SH3BGRL2: variants seen among roughly 807,000 people sequenced by gnomAD.
SH3BGRL2 encodes the protein SH3 domain-binding glutamic acid-rich-like protein 2.
SH3BGRL2 carries 21 observed loss-of-function variants against 14.8 expected under a neutral mutation model. The ratio of observed to expected loss-of-function variants is 1.42; its 90% CI spans 1.01 to 2.05. The LOEUF is 2.05. Among genes scored for constraint, SH3BGRL2 ranks in the 30% most tolerant of loss-of-function variants. SH3BGRL2 has a pLI of 0.00. For missense variants in SH3BGRL2, 147 were observed against 130.8 expected (o/e 1.12, Z -0.61); for synonymous variants, 50 against 47.8 (o/e 1.05, Z -0.19).
At chr6:79,555,416 C>T in the SH3BGRL2 span, among the ~76,000 whole-genome samples, 8 of 152,212 alleles carry the variant, frequency 5.3e-5, no homozygotes, top group Middle Eastern at 3.4e-3. Flanking sequence ...TTGTACTGCA[C>T]TCCAGCCTAG....
At chr6:79,589,128 A>C in the SH3BGRL2 span, among the ~76,000 whole-genome samples, 1 of 151,502 alleles carries the variant, frequency 6.6e-6, no homozygotes, top group East Asian at 1.9e-4. Context: ...GTTTTACTCT[A>C]TTGTTTAGGG....
intron 1 of SH3BGRL2, among the ~76,000 whole-genome samples, chr6:79,670,007 T>C (rs768250510): frequency 7.9e-5 from 12 of 152,216 alleles, no homozygotes; most frequent in Non-Finnish European, 1.3e-4. Context: ...ATTTTAGGCA[T>C]TGGGGGATCA....
the SH3BGRL2 span, among the ~76,000 whole-genome samples, chr6:79,538,025 T>G: frequency 7.1e-4 from 53 of 74,128 alleles, no homozygotes; most frequent in Non-Finnish European, 1.1e-3. Flanking sequence ...CAAGTTTTTT[T>G]TTTTTTTTTT....
At chr6:79,648,255 C>CGCATATATAT (rs749278658) in intron 1 of SH3BGRL2, among the ~76,000 whole-genome samples, 4 of 62,456 alleles carry the variant, frequency 6.4e-5, no homozygotes, top group African/African-American at 1.3e-4. Flanking sequence ...ATTCTTTTGG[C>CGCATATATAT]ATATATATAT....
chr6:79,656,073 T>C (rs1275882311), intron 1 of SH3BGRL2, among the ~76,000 whole-genome samples: 1 of 152,236 alleles, frequency 6.6e-6, no homozygotes, highest in African/African-American at 2.4e-5. Flanking sequence ...AGGCATGAAA[T>C]CATCTAATTT....
chr6:79,564,525 AT>A, the SH3BGRL2 span, among the ~76,000 whole-genome samples: 2 of 152,198 alleles, frequency 1.3e-5, no homozygotes, highest in Non-Finnish European at 2.9e-5. Context: ...TAAAGCTAGG[AT>A]TTGATCCTGA....
chr6:79,681,486 G>T (rs968435158), intron 2 of SH3BGRL2, among the ~76,000 whole-genome samples: 4 of 152,104 alleles, frequency 2.6e-5, no homozygotes, highest in Admixed American at 2.6e-4. Flanking sequence ...CCTGAAAGTA[G>T]GCTAGAGACT....
intron 1 of SH3BGRL2, among the ~76,000 whole-genome samples, chr6:79,634,211 C>G (rs1768880686): frequency 6.6e-6 from 1 of 152,210 alleles, no homozygotes; most frequent in East Asian, 1.9e-4. Flanking sequence ...CCCCTAAGCT[C>G]TCCAGCTTCA....
intron 2 of SH3BGRL2, among the ~76,000 whole-genome samples, chr6:79,683,146 A>G (rs905844852): frequency 1.3e-5 from 2 of 152,192 alleles, no homozygotes; most frequent in African/African-American, 2.4e-5. Context: ...ATGTATACCT[A>G]TGTATCAAAC....
At chr6:79,569,961 C>T in the SH3BGRL2 span, among the ~76,000 whole-genome samples, 524 of 152,046 alleles carry the variant, frequency 3.4e-3, 6 homozygotes, top group African/African-American at 0.012. Flanking sequence ...AATGGGAACA[C>T]GCAGAAAGGA....
At chr6:79,595,312 G>C in the SH3BGRL2 span, among the ~76,000 whole-genome samples, 2 of 152,044 alleles carry the variant, frequency 1.3e-5, no homozygotes, top group Non-Finnish European at 1.5e-5. Context: ...GGAATCTGCT[G>C]TTCATCGGGA....
At chr6:79,676,085 GT>G (rs1769877100) in intron 2 of SH3BGRL2, among the ~76,000 whole-genome samples, 1 of 152,060 alleles carries the variant, frequency 6.6e-6, no homozygotes, top group Admixed American at 6.6e-5. Flanking sequence ...TCAGATGGTG[GT>G]TTAATTTTTC....
chr6:79,673,826 G>C (rs753878998), intron 2 of SH3BGRL2, 27 bp downstream of exon 2: 8 of 1,600,142 alleles, frequency 5.0e-6, no homozygotes, highest in Non-Finnish European at 6.8e-6. Context: ...TTATCATGCT[G>C]TTTCTTTTTA....
intron 1 of SH3BGRL2, 81 bp downstream of exon 1, chr6:79,631,587 C>T: frequency 8.6e-7 from 1 of 1,159,900 alleles, no homozygotes; most frequent in South Asian, 3.1e-5. Flanking sequence ...CGTCACTGCG[C>T]GTCCTTGCGC....
At chr6:79,562,170 TAG>T in the SH3BGRL2 span, among the ~76,000 whole-genome samples, 1 of 152,150 alleles carries the variant, frequency 6.6e-6, no homozygotes, top group South Asian at 2.1e-4. Flanking sequence ...GACATTTGTG[TAG>T]TCCTGTAGAA....
chr6:79,566,909 AAAAAAG>A, the SH3BGRL2 span, among the ~76,000 whole-genome samples: 1 of 151,970 alleles, frequency 6.6e-6, no homozygotes, highest in Non-Finnish European at 1.5e-5. Context: ...AAAAAAAAAA[AAAAAAG>A]AAAGAAACAA....
chr6:79,635,235 G>A (rs1486429800), intron 1 of SH3BGRL2, among the ~76,000 whole-genome samples: 1 of 152,186 alleles, frequency 6.6e-6, no homozygotes, highest in African/African-American at 2.4e-5. Context: ...AAGTTCCTGG[G>A]CTCTGTTAGA....
At chr6:79,583,179 TG>T in the SH3BGRL2 span, among the ~76,000 whole-genome samples, 3 of 152,224 alleles carry the variant, frequency 2.0e-5, no homozygotes, top group South Asian at 6.2e-4. Context: ...TTTACACTGT[TG>T]GTGGTAGTGT....
chr6:79,692,035 A>G (rs1477488253), intron 2 of SH3BGRL2, among the ~76,000 whole-genome samples: 1 of 152,050 alleles, frequency 6.6e-6, no homozygotes, highest in African/African-American at 2.4e-5. Context: ...CTGACTTTTT[A>G]ATGATCACCA....
Sources: gnomAD v4.1 joint callset for allele counts (sites outside exome capture counted in the v4.1 genomes callset) on GRCh38, gnomAD v4.1.1 for gene constraint, MANE v1.5 for transcripts, NCBI Gene and HGNC (gene_info 2026-07-23, HGNC 2026-07-21) for gene names.